The following SV2C variants were observed in gnomAD, a reference collection of about 807,000 sequenced individuals.
The protein encoded by SV2C is synaptic vesicle glycoprotein 2C, also known as solute carrier family 22 member B3.
In SV2C, 49 loss-of-function variants were observed where a neutral mutation model predicts 79.7. The ratio of observed to expected loss-of-function variants is 0.61; its 90% CI spans 0.49 to 0.78. The LOEUF (loss-of-function observed/expected upper bound fraction) is 0.78. Among genes scored for constraint, SV2C ranks in the 30% least tolerant of loss-of-function variants. The pLI is 0.00. For missense variants in SV2C, 833 were observed against 912.9 expected, an observed-to-expected ratio of 0.91 and a Z score of 1.13; for synonymous variants, 334 against 333.2, an observed-to-expected ratio of 1.00 and a Z score of -0.03.
intron 2 of SV2C, among the ~76,000 whole-genome samples, chr5:76,150,383 G>A (rs772967931): frequency 3.3e-5 from 5 of 151,884 alleles, no homozygotes; most frequent in South Asian, 2.1e-4. Context: ...TCACCATGTT[G>A]GCCAGGATGG....
At chr5:76,146,260 G>T (rs930836390) in intron 2 of SV2C, among the ~76,000 whole-genome samples, 1 of 152,190 alleles carries the variant, frequency 6.6e-6, no homozygotes, top group Non-Finnish European at 1.5e-5. Context: ...ACGCAAGAAA[G>T]AATTCAGGGT....
At chr5:75,882,221 T>C in the SV2C span, among the ~76,000 whole-genome samples, 2 of 151,754 alleles carry the variant, frequency 1.3e-5, no homozygotes, top group African/African-American at 4.9e-5. Flanking sequence ...TGAGGATTTT[T>C]GCATCAATGT....
chr5:75,877,546 C>T, the SV2C span, among the ~76,000 whole-genome samples: 24,385 of 147,298 alleles, frequency 0.17, 2,947 homozygotes, highest in African/African-American at 0.36. Context: ...TTAAAAGAAA[C>T]AATACAAAGT....
chr5:75,880,443 T>G, the SV2C span, among the ~76,000 whole-genome samples: 1 of 152,216 alleles, frequency 6.6e-6, no homozygotes, highest in Non-Finnish European at 1.5e-5. Context: ...AATGCTTTGC[T>G]GCTTAGAAAT....
At chr5:76,186,543 G>C (rs748248610) in intron 2 of SV2C, among the ~76,000 whole-genome samples, 2 of 151,982 alleles carry the variant, frequency 1.3e-5, no homozygotes, top group African/African-American at 2.4e-5. Context: ...AATACAAAAA[G>C]TAGCTGGGCA....
At chr5:76,178,276 C>T (rs1172744248) in intron 2 of SV2C, among the ~76,000 whole-genome samples, 2 of 152,238 alleles carry the variant, frequency 1.3e-5, no homozygotes, top group African/African-American at 4.8e-5. Flanking sequence ...GCAACATAGA[C>T]TTCACCTTTT....
At chr5:75,980,135 C>A in the SV2C span, among the ~76,000 whole-genome samples, 1 of 151,958 alleles carries the variant, frequency 6.6e-6, no homozygotes, top group Non-Finnish European at 1.5e-5. Context: ...GATAAATTCT[C>A]GGACACATAC....
chr5:75,986,104 C>T, the SV2C span, among the ~76,000 whole-genome samples: 21 of 144,046 alleles, frequency 1.5e-4, no homozygotes, highest in East Asian at 4.0e-3. Context: ...GGCCATTATT[C>T]GGCCTACCAC....
At chr5:76,266,135 GGCCAGTGGCCCAA>G (rs1746646199) in intron 4 of SV2C, among the ~76,000 whole-genome samples, 5 of 5,346 alleles carry the variant, frequency 9.4e-4, no homozygotes, top group African/African-American at 6.1e-3. Context: ...AGACAAATAT[GGCCAGTGGCCCAA>G]ATATGGCCAT....
chr5:76,057,058 C>T, the SV2C span, among the ~76,000 whole-genome samples: 84 of 152,116 alleles, frequency 5.5e-4, 2 homozygotes, highest in East Asian at 0.015. Context: ...TTTGCTCTTG[C>T]TTTTCTAGTT....
the SV2C span, among the ~76,000 whole-genome samples, chr5:76,008,285 G>A: frequency 4.1e-3 from 630 of 152,306 alleles, 6 homozygotes; most frequent in Admixed American, 7.8e-3. Flanking sequence ...AGGGGAGCCT[G>A]TGAAATTCAA....
At chr5:76,000,429 A>G in the SV2C span, among the ~76,000 whole-genome samples, 1 of 152,086 alleles carries the variant, frequency 6.6e-6, no homozygotes, top group Admixed American at 6.6e-5. Context: ...GTGAACCTGC[A>G]TAATGCTGGG....
intron 3 of SV2C, 25 bp downstream of exon 3, chr5:76,195,124 A>G (rs1744234937): frequency 1.2e-6 from 2 of 1,605,860 alleles, no homozygotes; most frequent in African/African-American, 2.7e-5. Flanking sequence ...TTCATATTTT[A>G]TAGTAATGTG....
At chr5:75,869,980 T>A in the SV2C span, among the ~76,000 whole-genome samples, 96 of 152,222 alleles carry the variant, frequency 6.3e-4, no homozygotes, top group African/African-American at 2.1e-3. Flanking sequence ...AGATACAGCC[T>A]ATATTACAAC....
chr5:75,985,294 A>T, the SV2C span, among the ~76,000 whole-genome samples: 1 of 151,944 alleles, frequency 6.6e-6, no homozygotes, highest in South Asian at 2.1e-4. Context: ...TTCATGAGGG[A>T]TCTGCTCCTA....
intron 2 of SV2C, among the ~76,000 whole-genome samples, chr5:76,175,655 C>T (rs755491718): frequency 1.4e-4 from 21 of 152,186 alleles, no homozygotes; most frequent in Non-Finnish European, 2.9e-4. Flanking sequence ...GAAAAATTAT[C>T]ATCTACAATT....
chr5:76,050,211 TATTTA>T, the SV2C span, among the ~76,000 whole-genome samples: 1 of 152,216 alleles, frequency 6.6e-6, no homozygotes, highest in Non-Finnish European at 1.5e-5. Context: ...ACTGCCCAAA[TATTTA>T]ATTAATATTC....
the SV2C span, among the ~76,000 whole-genome samples, chr5:75,961,370 A>T: frequency 6.6e-6 from 1 of 152,134 alleles, no homozygotes; most frequent in East Asian, 1.9e-4. Flanking sequence ...ATCACTAATT[A>T]TGTTGTTGTA....
chr5:76,257,715 T>C (rs1746331149), intron 4 of SV2C, among the ~76,000 whole-genome samples: 1 of 150,556 alleles, frequency 6.6e-6, no homozygotes, highest in African/African-American at 2.5e-5. Context: ...GGTAGGTGTA[T>C]GTGTGTGTAT....
Sources: gnomAD v4.1 joint callset for allele counts (sites outside exome capture counted in the v4.1 genomes callset) on GRCh38, gnomAD v4.1.1 for gene constraint, MANE v1.5 for transcripts, NCBI Gene and HGNC (gene_info 2026-07-23, HGNC 2026-07-21) for gene names.